SIRPA: variants seen among roughly 807,000 people sequenced by gnomAD.
SIRPA encodes tyrosine-protein phosphatase non-receptor type substrate 1.
A neutral mutation model predicts 50.3 loss-of-function variants in SIRPA; 9 were observed. The observed-to-expected ratio is 0.18, with a 90% CI of 0.11 to 0.31. The LOEUF is 0.31. Ranked by LOEUF, SIRPA falls within the 10% of genes least tolerant of loss-of-function variation. SIRPA has a pLI of 1.00. For synonymous variants in SIRPA, 265 were observed against 284.1 expected, an observed-to-expected ratio of 0.93 and a Z score of 0.68; for missense variants, 474 against 661.6, an observed-to-expected ratio of 0.72 and a Z score of 3.11.
In SIRPA at chr20:1,934,670, G is replaced by T; in HGVS notation, c.1227-45G>T. ...TTCTTATCAGTTTGCATGAGCACTT[G>T]AGATAGTGAGGGTATTTTTATCTGT... On this transcript the variant is annotated intron_variant, in intron 6 of 7. Transcript: ENST00000358771. This position sits in a 1 kb window ranked among gnomAD's most constrained non-coding sequence, Gnocchi z 4.6. 6.3e-7 allele frequency: 1 copy of T among 1,598,182 alleles called. No individual in the cohort carries two copies. Among genetic ancestry groups the T allele is most frequent in the Non-Finnish European group, 8.6e-7 (1 of 1,165,590 alleles).
At position 1,936,891 on chromosome 20, in the gene SIRPA, G is replaced by A. The variant is rs745879318; in HGVS notation, c.1267-429G>A. ...ATGGACCCTGCCAGGAGAGGGGAGA[G>A]CCAGGGAGGGTCTTAGTATGAGCCA... On this transcript the variant is annotated intron_variant, in intron 7 of 7. Coordinates refer to ENST00000358771, the MANE Select transcript of SIRPA (RefSeq NM_001040023.2). This position sits in a 1 kb window ranked among gnomAD's most constrained non-coding sequence, Gnocchi z 4.2. Among the ~76,000 whole-genome samples, 4 of 152,114 alleles carry A rather than the reference G, an allele frequency of 2.6e-5. No homozygotes were observed. The highest frequency in any genetic ancestry group is 6.5e-5 in the Admixed American group (1 of 15,274).
chr20:1,934,361 G>T lies in SIRPA; in HGVS notation c.1227-354G>T, dbSNP rs1446296793. Among the ~76,000 whole-genome samples, 2 of 152,300 alleles carry T rather than the reference G, an allele frequency of 1.3e-5. No homozygotes were observed. The highest frequency in any genetic ancestry group is 3.9e-4 in the East Asian group (2 of 5,186). The stretch of plus-strand genomic sequence containing the variant: ...GGATGAGGACATCTTCCAAGCTCTT[G>T]ATTTTGCCAGCTGCTTCCCAAAAGG... On this transcript the variant is annotated intron_variant, in intron 6 of 7. Coordinates refer to ENST00000358771, the MANE Select transcript of SIRPA (RefSeq NM_001040023.2). The surrounding 1 kb of genome is among the most constrained non-coding windows in gnomAD (Gnocchi z 4.6).
At chr20:1,921,974 A>G in intron 3 of SIRPA, among the ~76,000 whole-genome samples, 1 of 152,184 alleles carries the variant, frequency 6.6e-6, no homozygotes, top group Non-Finnish European at 1.5e-5. Context: ...AACACAGTTA[A>G]TGAGTACCTA....
In SIRPA at chr20:1,933,625, T is replaced by G. The variant is rs972428966; in HGVS notation, c.1227-1090T>G. Among the ~76,000 whole-genome samples the G allele has an allele frequency of 1.3e-5, 2 of 152,084 alleles. No individual in the cohort carries two copies. Among genetic ancestry groups the G allele is most frequent in the Admixed American group, 1.3e-4 (2 of 15,278 alleles). ...CAGACGTGCCCCTGCTCCTGGAGGG[T>G]TCTTTCTGTGGCCACGTGGGGCTTG... On this transcript the variant is annotated intron_variant, in intron 6 of 7. Transcript: ENST00000358771. This position sits in a 1 kb window ranked among gnomAD's most constrained non-coding sequence, Gnocchi z 4.4.
rs756429332 is a variant in SIRPA, at chr20:1,921,615, C to T, written c.657C>T (p.Arg219=). The T allele has an allele frequency of 1.3e-5, 21 of 1,614,106 alleles. No individual in the cohort carries two copies. Among genetic ancestry groups the T allele is most frequent in the African/African-American group, 8.0e-5 (6 of 74,938 alleles). Residue 219 remains arginine, a synonymous_variant, in exon 3 of 8, where the codon CGC becomes CGT. Coordinates refer to ENST00000358771, the MANE Select transcript of SIRPA (RefSeq NM_001040023.2). ...IHSTAKVVLT[R]EDVHSQVICE... ...GCACAGCCAAGGTGGTGCTGACCCG[C>T]GAGGACGTTCACTCTCAAGTCATCT...
rs1373335594 is a variant in SIRPA at position 1,936,215 on chromosome 20, A to G, written c.1267-1105A>G. On this transcript the variant is annotated intron_variant, in intron 7 of 7. Coordinates refer to ENST00000358771, the MANE Select transcript of SIRPA (RefSeq NM_001040023.2). This position sits in a 1 kb window ranked among gnomAD's most constrained non-coding sequence, Gnocchi z 4.2. ...CGCAGGGGCCAGTCACAGAGGGAGC[A>G]AAGTTTATCATTCATGATGGGCGCT... Among the ~76,000 whole-genome samples, 1 of 152,172 alleles carries G rather than the reference A, an allele frequency of 6.6e-6. No individual in the cohort carries two copies. Among genetic ancestry groups the G allele is most frequent in the East Asian group, 1.9e-4 (1 of 5,182 alleles).
chr20:1,922,726 A>G (rs894341308), intron 4 of SIRPA, 81 bp downstream of exon 4: 2 of 1,419,686 alleles, frequency 1.4e-6, no homozygotes, highest in East Asian at 5.0e-5. Flanking sequence ...GTAGTAATTC[A>G]TGCTTATTAT....
At chr20:1,902,944 A>G (rs1007106969) in intron 1 of SIRPA, among the ~76,000 whole-genome samples, 4 of 145,452 alleles carry the variant, frequency 2.8e-5, no homozygotes, top group African/African-American at 1.0e-4. Flanking sequence ...CCCAGGAGGC[A>G]GAGGTTGCAG....
In SIRPA at chr20:1,937,694, GGCC is replaced by G; in HGVS notation, c.*127_*129del. Reference sequence around the variant, plus strand: ...GGCGGTGCAGGCTCTGGGACCCAGGGGCCAGGGTGGCTCTTCTCTCCCCACCCC... The same window carrying G: ...GGCGGTGCAGGCTCTGGGACCCAGGGAGGGTGGCTCTTCTCTCCCCACCCC... On this transcript the variant is annotated 3_prime_UTR_variant, in exon 8 of 8. Coordinates refer to ENST00000358771, the MANE Select transcript of SIRPA (RefSeq NM_001040023.2). The surrounding 1 kb of genome is among the most constrained non-coding windows in gnomAD (Gnocchi z 8.3). The G allele has an allele frequency of 1.6e-6, 2 of 1,275,114 alleles. No homozygotes were observed. 79.0% of individuals were successfully genotyped at this position (1,275,114 alleles called of 1,614,324 possible). A position where few individuals can be genotyped will look rare whatever the true frequency, so the allele number is the denominator to read the frequency against.
intron 1 of SIRPA, among the ~76,000 whole-genome samples, chr20:1,907,862 C>T (rs533659857): frequency 1.3e-5 from 2 of 152,330 alleles, no homozygotes; most frequent in African/African-American, 4.8e-5. Flanking sequence ...GCCCCAAGCT[C>T]TCTTCTTGGG....
chr20:1,900,907 G>A (rs1298187554), intron 1 of SIRPA, among the ~76,000 whole-genome samples: 5 of 152,184 alleles, frequency 3.3e-5, no homozygotes, highest in Admixed American at 1.3e-4. Flanking sequence ...CGTTATCTTC[G>A]GACCCGTTGG....
In SIRPA at chr20:1,938,152, C is replaced by T. The variant is rs561111930; in HGVS notation, c.*584C>T. ...GTTGCTGCCAACAGTCCTGGCCTCC[C>T]CCATCCCTAGGCTAAAGAGCCATGA... is the stretch of plus-strand genomic sequence containing the variant. On this transcript the variant is annotated 3_prime_UTR_variant, in exon 8 of 8. Transcript: ENST00000358771. 12 of 154,622 alleles carry T rather than the reference C, an allele frequency of 7.8e-5. No individual in the cohort carries two copies. In the South Asian group the frequency reaches 2.3e-3, roughly 30 times the overall value. The allele number at this position is 154,622 out of a possible 1,614,324, so 9.6% of individuals were successfully genotyped here. A position where few individuals can be genotyped will look rare whatever the true frequency, so the allele number is the denominator to read the frequency against.
Position 1,917,416 on chromosome 20 carries a change from C to G in SIRPA, c.436+1961C>G, listed in dbSNP as rs138954800. 8.6e-3 allele frequency among the ~76,000 whole-genome samples: 1,310 copies of G among 152,256 alleles called. 66 individuals are homozygous for G. The highest frequency in any genetic ancestry group is 0.071 in the Admixed American group (1,093 of 15,298). On this transcript the variant is annotated intron_variant, in intron 2 of 7. Coordinates refer to ENST00000358771, the MANE Select transcript of SIRPA (RefSeq NM_001040023.2). ...CCACCCTACTCATTCCAAACTCTTGCAGTTCTATAGCAATAAGCATAGGCT... is the reference window on the plus strand; with the variant it reads ...CCACCCTACTCATTCCAAACTCTTGGAGTTCTATAGCAATAAGCATAGGCT...
chr20:1,930,159 G>A (rs1986217857), intron 6 of SIRPA, among the ~76,000 whole-genome samples: 1 of 152,194 alleles, frequency 6.6e-6, no homozygotes, highest in Non-Finnish European at 1.5e-5. Context: ...GGTAGCTAGA[G>A]TGGGACCCCT....
At chr20:1,916,571 G>A (rs1232416456) in intron 2 of SIRPA, among the ~76,000 whole-genome samples, 1 of 152,194 alleles carries the variant, frequency 6.6e-6, no homozygotes, top group Non-Finnish European at 1.5e-5. Context: ...TTCACATTCA[G>A]ACCGTTAGGC....
intron 1 of SIRPA, among the ~76,000 whole-genome samples, chr20:1,906,880 G>A (rs546177883): frequency 6.6e-6 from 1 of 152,316 alleles, no homozygotes; most frequent in African/African-American, 2.4e-5. Context: ...GTGGAACACG[G>A]ATGAAAGGGA....
intron 5 of SIRPA, among the ~76,000 whole-genome samples, chr20:1,926,149 G>C (rs1373315676): frequency 6.6e-6 from 1 of 152,144 alleles, no homozygotes; most frequent in African/African-American, 2.4e-5. Context: ...GGCTGGCTCT[G>C]AGATACTGGC....
rs188237413 is a variant in SIRPA at position 1,933,705 on chromosome 20, C to G, written c.1227-1010C>G. Among the ~76,000 whole-genome samples, 3 of 152,282 alleles carry G rather than the reference C, an allele frequency of 2.0e-5. No homozygotes were observed. The East Asian group carries it at 5.8e-4, about 29-fold the overall frequency. ...GCACTCATGCCAAATCCATTAATAA[C>G]CCTGCTGCCAAGCCCCACTGCTCAT... On this transcript the variant is annotated intron_variant, in intron 6 of 7. Coordinates refer to ENST00000358771, the MANE Select transcript of SIRPA (RefSeq NM_001040023.2). The surrounding 1 kb of genome is among the most constrained non-coding windows in gnomAD (Gnocchi z 4.4).
chr20:1,924,794 A>G lies in SIRPA; in HGVS notation c.1118A>G (p.Tyr373Cys). The G allele has an allele frequency of 6.2e-7, 1 of 1,614,096 alleles. No homozygotes were observed. Among genetic ancestry groups the G allele is most frequent in the Non-Finnish European group, 8.5e-7 (1 of 1,180,008 alleles). ...ENTGSNERNI[Y>C]IVVGVVCTLL... ...ACTGGATCTAATGAACGGAACATCT[A>G]TATTGTGGTGGGTGTGGTGTGCACC... Residue 373 changes from tyrosine (Y) to cysteine (C), a missense_variant, in exon 5 of 8, where the codon TAT becomes TGT. Around this residue, in one of 4 missense-constraint regions of SIRPA, gnomAD observed 180 missense variants for 206.7 expected, o/e 0.87. Transcript: ENST00000358771. This position sits in a 1 kb window ranked among gnomAD's most constrained non-coding sequence, Gnocchi z 4.5.
Sources: gnomAD v4.1 joint callset for allele counts (sites outside exome capture counted in the v4.1 genomes callset) on GRCh38, gnomAD v4.1.1 for gene constraint, gnomAD v4.1.1 regional missense constraint, Gnocchi (gnomAD v3.1) non-coding constraint, MANE v1.5 for transcripts, NCBI Gene and HGNC (gene_info 2026-07-23, HGNC 2026-07-21) for gene names.